Variants in SHB observed in about 807,000 individuals in gnomAD.
SHB encodes the protein SH2 domain containing adaptor protein B.
Under a neutral mutation model 52.3 loss-of-function variants are expected in SHB, and 20 were observed. The ratio of observed to expected loss-of-function variants is 0.38; its 90% CI spans 0.27 to 0.56. The LOEUF (loss-of-function observed/expected upper bound fraction) is 0.56, where lower values mean the gene tolerates loss of function less well. SHB is among the 20% of genes least tolerant of loss of function. SHB has a pLI of 0.71. For synonymous variants in SHB, 397 were observed against 316.5 expected (o/e 1.25, Z -2.70); for missense variants, 825 against 723.3 (o/e 1.14, Z -1.61).
At chr9:38,037,060 G>A (rs751142701) in intron 1 of SHB, among the ~76,000 whole-genome samples, 4 of 152,210 alleles carry the variant, frequency 2.6e-5, no homozygotes, top group Non-Finnish European at 5.9e-5. Flanking sequence ...CCCGCAGCAC[G>A]GGAGCTGGGG....
At chr9:38,044,881 T>C (rs1191847481) in intron 1 of SHB, among the ~76,000 whole-genome samples, 2 of 152,128 alleles carry the variant, frequency 1.3e-5, no homozygotes, top group African/African-American at 4.8e-5. Context: ...AGCCATGACA[T>C]GGTGTGACTG....
At chr9:37,953,186 G>A (rs1832586926) in intron 4 of SHB, among the ~76,000 whole-genome samples, 3 of 152,088 alleles carry the variant, frequency 2.0e-5, no homozygotes, top group Admixed American at 6.5e-5. Context: ...GGGGACCGGG[G>A]CAGAAAAAGG....
rs1822023123 is a variant in SHB, at chr9:38,069,101, G to A, written c.-456C>T. 6.6e-6 allele frequency: 1 copy of A among 151,770 alleles called. No individual in the cohort carries two copies. The allele number at this position is 151,770 out of a possible 1,614,324, so 9.4% of individuals were successfully genotyped here. A position where few individuals can be genotyped will look rare whatever the true frequency, so the allele number is the denominator to read the frequency against. ...CCTTCTTCCTTCCTGCGAGCGCTGG[G>A]GAGAGCTCGGCCCCGCAGCGGAGGA... is the stretch of plus-strand genomic sequence containing the variant. On this transcript the variant is annotated 5_prime_UTR_variant, in exon 1 of 6. Coordinates refer to ENST00000377707, the MANE Select transcript of SHB (RefSeq NM_003028.3).
intron 3 of SHB, among the ~76,000 whole-genome samples, chr9:37,965,604 T>G: frequency 1.4e-5 from 2 of 144,652 alleles, no homozygotes; most frequent in East Asian, 2.0e-4. Flanking sequence ...CGAGACGGAG[T>G]CTCACTCTGT....
At chr9:37,972,185 C>T (rs975792650) in intron 3 of SHB, among the ~76,000 whole-genome samples, 1 of 152,146 alleles carries the variant, frequency 6.6e-6, no homozygotes, top group East Asian at 1.9e-4. Context: ...TGTGGGTCCT[C>T]GGTGTCTGGG....
At chr9:37,922,722 G>A (rs1229708701) in intron 5 of SHB, among the ~76,000 whole-genome samples, 4 of 152,126 alleles carry the variant, frequency 2.6e-5, no homozygotes, top group East Asian at 3.9e-4. Context: ...GGAGAAAGGC[G>A]CGTTCACATG....
chr9:37,931,147 A>G (rs1832306927), intron 5 of SHB, among the ~76,000 whole-genome samples: 1 of 152,224 alleles, frequency 6.6e-6, no homozygotes. Context: ...ATATAAAAAT[A>G]GAAACTATAA....
chr9:37,946,995 C>T lies in SHB; in HGVS notation c.1346+1640G>A, dbSNP rs555664117. The stretch of plus-strand genomic sequence containing the variant: ...TCACCTTGATGGCCCCATCAGCATG[C>T]CTGGTGGTGTGCACGCCCCCCTGCT... On this transcript the variant is annotated intron_variant, in intron 5 of 5. Coordinates refer to ENST00000377707, the MANE Select transcript of SHB (RefSeq NM_003028.3). 3.3e-5 allele frequency among the ~76,000 whole-genome samples: 5 copies of T among 152,288 alleles called. No individual in the cohort carries two copies. The South Asian group carries it at 1.0e-3, about 32-fold the overall frequency.
rs570125155 is a variant in SHB, at chr9:38,006,739, T to A, written c.838+9272A>T. Among the ~76,000 whole-genome samples the A allele has an allele frequency of 2.0e-5, 3 of 152,312 alleles. No individual in the cohort carries two copies. The South Asian group carries it at 6.2e-4, about 32-fold the overall frequency. On this transcript the variant is annotated intron_variant, in intron 2 of 5. Transcript: ENST00000377707. ...TCTGTTTGTTGGGCCCTCACATCTA[T>A]GAGGCTTAGTGCCAGCAGCACGGGG...
chr9:37,984,624 A>C (rs1055599113), intron 2 of SHB, among the ~76,000 whole-genome samples: 8 of 152,174 alleles, frequency 5.3e-5, no homozygotes, highest in Middle Eastern at 3.4e-3. Context: ...TTCTGGGGCC[A>C]GGGCGTCTAT....
chr9:37,952,070 ACC>A (rs1832573180), intron 4 of SHB, among the ~76,000 whole-genome samples: 1 of 152,138 alleles, frequency 6.6e-6, no homozygotes, highest in Non-Finnish European at 1.5e-5. Context: ...CCCAGCCAAT[ACC>A]CATGAGCTCA....
At position 38,068,402 on chromosome 9, in the gene SHB, G is replaced by T; in HGVS notation, c.244C>A (p.Arg82Ser). ...DDSGSTSDLI[R>S]AYRAQKERDF... ...CGCTCCTTCTGCGCGCGGTAGGCGC[G>T]GATGAGGTCGCTGGTGCTGCCGCTG... Residue 82 changes from arginine (R) to serine (S), a missense_variant, in exon 1 of 6, where the codon CGC becomes AGC. By Grantham distance (110) the Arg-to-Ser change is moderately radical. Transcript: ENST00000377707. 6.4e-7 allele frequency: 1 copy of T among 1,573,898 alleles called. No individual in the cohort carries two copies. The highest frequency in any genetic ancestry group is 2.4e-5 in the East Asian group (1 of 40,902).
At chr9:37,990,693 AAAC>A (rs1820870992) in intron 2 of SHB, among the ~76,000 whole-genome samples, 1 of 151,330 alleles carries the variant, frequency 6.6e-6, no homozygotes, top group Admixed American at 6.6e-5. Flanking sequence ...CCACAGGCAG[AAAC>A]AACTGCTCAC....
intron 1 of SHB, among the ~76,000 whole-genome samples, chr9:38,037,134 A>G (rs1821499327): frequency 6.6e-6 from 1 of 152,040 alleles, no homozygotes; most frequent in African/African-American, 2.4e-5. Context: ...GGCTGACACA[A>G]CTCCCTCTTT....
At chr9:37,981,988 G>A (rs1820732902) in intron 2 of SHB, among the ~76,000 whole-genome samples, 1 of 151,934 alleles carries the variant, frequency 6.6e-6, no homozygotes, top group Non-Finnish European at 1.5e-5. Flanking sequence ...TTTGAAATAT[G>A]AGAATTACCA....
intron 2 of SHB, among the ~76,000 whole-genome samples, chr9:38,012,514 C>T (rs572164982): frequency 6.6e-6 from 1 of 152,044 alleles, no homozygotes; most frequent in African/African-American, 2.4e-5. Flanking sequence ...ATCACCGGCC[C>T]CTCATTCCAT....
At position 37,966,730 on chromosome 9, in the gene SHB, G is replaced by A. The variant is rs185968262; in HGVS notation, c.1054+7892C>T. 1.9e-3 allele frequency among the ~76,000 whole-genome samples: 289 copies of A among 152,298 alleles called. 1 individual carries two copies. Among genetic ancestry groups the A allele is most frequent in the Middle Eastern group, 3.4e-3 (1 of 294 alleles). ...GAAGAGACAGCATTCTCCTGGCTAG[G>A]ACAGGTGGTGGTGGTGGCCGGGTTT... is the stretch of plus-strand genomic sequence containing the variant. On this transcript the variant is annotated intron_variant, in intron 3 of 5. Transcript: ENST00000377707.
intron 1 of SHB, among the ~76,000 whole-genome samples, chr9:38,058,467 C>G (rs547357321): frequency 6.6e-6 from 1 of 152,354 alleles, no homozygotes; most frequent in African/African-American, 2.4e-5. Context: ...ACGCTGGAAT[C>G]TGCCCCTCTT....
At chr9:38,042,353 A>AC (rs2118144110) in intron 1 of SHB, among the ~76,000 whole-genome samples, 1 of 152,344 alleles carries the variant, frequency 6.6e-6, no homozygotes, top group East Asian at 1.9e-4. Context: ...CAAACTGCAC[A>AC]CATGCCCTTT....
Sources: allele counts gnomAD v4.1 joint callset (sites outside exome capture counted in the v4.1 genomes callset), GRCh38; gene constraint gnomAD v4.1.1; transcripts MANE v1.5; gene names NCBI Gene and HGNC (gene_info 2026-07-23, HGNC 2026-07-21).